The following HHLA2 variants were observed in gnomAD, a reference collection of about 807,000 sequenced individuals.
HHLA2 encodes the protein HHLA2 member of B7 family.
In HHLA2, 48 loss-of-function variants were observed where a neutral mutation model predicts 45.9. The observed-to-expected ratio is 1.05, with a 90% CI of 0.83 to 1.33. HHLA2 has a LOEUF of 1.33. HHLA2 is among the 40% of genes most tolerant of loss of function. HHLA2 has a pLI of 0.00. For missense variants in HHLA2, 462 were observed against 494.3 expected (o/e 0.93, Z 0.62); for synonymous variants, 161 against 173.9 (o/e 0.93, Z 0.59).
chr3:108,366,115 T>C (rs576429487), intron 8 of HHLA2, among the ~76,000 whole-genome samples: 1 of 152,318 alleles, frequency 6.6e-6, no homozygotes, highest in South Asian at 2.1e-4. Flanking sequence ...GGCTATGGGT[T>C]TGTCATAAAT....
intron 2 of HHLA2, chr3:108,325,639 A>C (rs2081274416): frequency 4.2e-6 from 1 of 240,404 alleles, no homozygotes; most frequent in Non-Finnish European, 8.3e-6. Flanking sequence ...GTAGGCCCAA[A>C]ATTTGAAGAT....
intron 2 of HHLA2, among the ~76,000 whole-genome samples, chr3:108,316,296 C>T (rs968170415): frequency 2.0e-5 from 3 of 152,128 alleles, no homozygotes; most frequent in African/African-American, 7.2e-5. Context: ...TGGCCAGATA[C>T]TGGGTCAGGT....
chr3:108,369,708 C>G (rs191981800), intron 8 of HHLA2, among the ~76,000 whole-genome samples: 22 of 152,198 alleles, frequency 1.4e-4, no homozygotes, highest in African/African-American at 4.3e-4. Context: ...CGGAGTCTCG[C>G]TCATTGCTAG....
intron 8 of HHLA2, among the ~76,000 whole-genome samples, chr3:108,367,555 A>G (rs891426021): frequency 4.6e-5 from 7 of 152,010 alleles, no homozygotes; most frequent in Non-Finnish European, 7.4e-5. Flanking sequence ...GAACTCGTGA[A>G]GCATACACAA....
intron 7 of HHLA2, among the ~76,000 whole-genome samples, chr3:108,358,662 T>G (rs1362086459): frequency 6.6e-6 from 1 of 152,196 alleles, no homozygotes. Context: ...GATAGTTCAC[T>G]GCCAAAAACC....
intron 1 of HHLA2, among the ~76,000 whole-genome samples, chr3:108,307,468 T>A (rs2080948884): frequency 6.6e-6 from 1 of 151,996 alleles, no homozygotes; most frequent in African/African-American, 2.4e-5. Context: ...ACCCCATCTC[T>A]ACTAAAAATA....
At chr3:108,345,421 T>A (rs1337166630) in intron 3 of HHLA2, among the ~76,000 whole-genome samples, 5 of 152,264 alleles carry the variant, frequency 3.3e-5, no homozygotes, top group African/African-American at 1.2e-4. Flanking sequence ...GGTGATTAAC[T>A]GCAAATTCAC....
intron 8 of HHLA2, 30 bp from the exon 8 acceptor site, chr3:108,375,720 A>T: frequency 6.2e-7 from 1 of 1,605,322 alleles, no homozygotes; most frequent in Non-Finnish European, 8.5e-7. Context: ...TAAATACCTA[A>T]TTTCACTCTT....
chr3:108,335,933 A>G (rs2081465146), intron 3 of HHLA2, among the ~76,000 whole-genome samples: 1 of 151,938 alleles, frequency 6.6e-6, no homozygotes, highest in Non-Finnish European at 1.5e-5. Flanking sequence ...CTGATATGGC[A>G]TCATACCTAG....
intron 7 of HHLA2, among the ~76,000 whole-genome samples, chr3:108,361,028 A>T (rs1015079846): frequency 1.3e-5 from 2 of 152,180 alleles, no homozygotes; most frequent in Admixed American, 1.3e-4. Context: ...TTTTAGCAGA[A>T]CATAGACCAT....
chr3:108,307,134 A>G (rs1327087111), intron 1 of HHLA2, among the ~76,000 whole-genome samples: 1 of 152,114 alleles, frequency 6.6e-6, no homozygotes, highest in Non-Finnish European at 1.5e-5. Flanking sequence ...TTTTAAAAAA[A>G]ATTTTCTAAC....
intron 1 of HHLA2, among the ~76,000 whole-genome samples, chr3:108,296,958 T>A (rs1207876297): frequency 2.0e-5 from 3 of 152,250 alleles, no homozygotes; most frequent in Non-Finnish European, 4.4e-5. Context: ...TTGTAATTGT[T>A]CATCTAGTTA....
intron 8 of HHLA2, among the ~76,000 whole-genome samples, chr3:108,364,400 G>C (rs570142716): frequency 2.0e-5 from 3 of 152,212 alleles, no homozygotes; most frequent in South Asian, 4.2e-4. Context: ...TCCTTGATGG[G>C]CATTTGGGTT....
chr3:108,318,978 A>G (rs1387234009), intron 2 of HHLA2, among the ~76,000 whole-genome samples: 1 of 152,156 alleles, frequency 6.6e-6, no homozygotes, highest in Non-Finnish European at 1.5e-5. Context: ...CTCCCCAAAC[A>G]CATACAATAT....
At chr3:108,364,214 A>T (rs1013506748) in intron 8 of HHLA2, among the ~76,000 whole-genome samples, 1 of 152,102 alleles carries the variant, frequency 6.6e-6, no homozygotes, top group African/African-American at 2.4e-5. Context: ...TCATTGTTCA[A>T]TTCCCACCTA....
chr3:108,335,121 G>A (rs1228696434), intron 3 of HHLA2, among the ~76,000 whole-genome samples: 1 of 152,192 alleles, frequency 6.6e-6, no homozygotes. Context: ...TTCAGAAAAT[G>A]TATCTGAGTG....
At chr3:108,341,685 C>T (rs548498660) in intron 3 of HHLA2, among the ~76,000 whole-genome samples, 2 of 152,246 alleles carry the variant, frequency 1.3e-5, no homozygotes, top group East Asian at 1.9e-4. Flanking sequence ...CTTCATTATG[C>T]GTTACTTTCA....
At chr3:108,331,934 A>G (rs975997915) in intron 3 of HHLA2, among the ~76,000 whole-genome samples, 3 of 152,164 alleles carry the variant, frequency 2.0e-5, no homozygotes, top group Admixed American at 6.6e-5. Flanking sequence ...ATAAAGTTGT[A>G]TAAGTGCTTA....
intron 1 of HHLA2, among the ~76,000 whole-genome samples, chr3:108,297,342 T>C (rs1366215278): frequency 6.6e-6 from 1 of 152,218 alleles, no homozygotes; most frequent in Non-Finnish European, 1.5e-5. Context: ...CTGTCCAGAA[T>C]GGCAAATTGG....
Sources: allele counts gnomAD v4.1 joint callset (sites outside exome capture counted in the v4.1 genomes callset), GRCh38; gene constraint gnomAD v4.1.1; transcripts MANE v1.5; gene names NCBI Gene and HGNC (gene_info 2026-07-23, HGNC 2026-07-21).